The following DPF3 variants were observed in gnomAD, a reference collection of about 807,000 sequenced individuals.
DPF3 encodes the protein zinc finger protein DPF3.
In DPF3, 18 loss-of-function variants were observed where a neutral mutation model predicts 56.8. The observed-to-expected ratio is 0.32, with a 90% CI of 0.22 to 0.47. The LOEUF is 0.47. Ranked by LOEUF, DPF3 falls within the 20% of genes least tolerant of loss-of-function variation. The probability of loss-of-function intolerance (pLI) is 1.00; values close to 1 mark genes in which losing one functional copy is unlikely to be tolerated. For missense variants in DPF3, 403 were observed against 488.8 expected (o/e 0.82, Z 1.65); for synonymous variants, 188 against 180.2 (o/e 1.04, Z -0.35).
chr14:72,682,143 G>C (rs969785468), intron 7 of DPF3, among the ~76,000 whole-genome samples: 1 of 151,762 alleles, frequency 6.6e-6, no homozygotes, highest in Non-Finnish European at 1.5e-5. Context: ...GAACCTGGGA[G>C]GCAGAGGTTG....
At chr14:72,713,476 G>C (rs1244662689) in intron 6 of DPF3, among the ~76,000 whole-genome samples, 2 of 152,152 alleles carry the variant, frequency 1.3e-5, no homozygotes, top group Non-Finnish European at 2.9e-5. Flanking sequence ...GGCGAGATGG[G>C]TGGGACACCC....
chr14:72,734,390 T>A (rs1302406454), intron 3 of DPF3, among the ~76,000 whole-genome samples: 2 of 152,168 alleles, frequency 1.3e-5, no homozygotes, highest in African/African-American at 4.8e-5. Context: ...TACATCTCCA[T>A]AGCCTGCTCT....
intron 8 of DPF3, among the ~76,000 whole-genome samples, chr14:72,656,305 T>C (rs559176866): frequency 6.6e-5 from 10 of 152,336 alleles, no homozygotes; most frequent in Admixed American, 5.2e-4. Flanking sequence ...TTCCACATCA[T>C]TCCTAGTTTA....
rs185129387 is a variant in DPF3, at chr14:72,729,314, A to G, written c.429+2493T>C. ...AAAATGAAGAAGGTGAGGGTGAGAG[A>G]CAAGTGTACATCCGGGGAAATGGCC... is the stretch of plus-strand genomic sequence containing the variant. On this transcript the variant is annotated intron_variant, in intron 4 of 10. Transcript: ENST00000556509. Among the ~76,000 whole-genome samples, 275 of 152,294 alleles carry G rather than the reference A, an allele frequency of 1.8e-3. 1 individual carries two copies. The highest frequency in any genetic ancestry group is 0.017 in the Middle Eastern group (5 of 294).
At chr14:72,672,912 G>GT (rs887256135) in intron 8 of DPF3, among the ~76,000 whole-genome samples, 31 of 151,786 alleles carry the variant, frequency 2.0e-4, no homozygotes, top group East Asian at 3.9e-4. Context: ...AATTTCATCT[G>GT]TTTTTTTTAA....
intron 8 of DPF3, chr14:72,671,416 A>G: frequency 1.9e-6 from 3 of 1,567,328 alleles, no homozygotes. Context: ...ACATTATTAC[A>G]ATGCTATTCT....
At chr14:72,656,350 A>T (rs1206241018) in intron 8 of DPF3, among the ~76,000 whole-genome samples, 1 of 152,190 alleles carries the variant, frequency 6.6e-6, no homozygotes, top group African/African-American at 2.4e-5. Flanking sequence ...TTAAAAATAA[A>T]CAACACAATA....
At position 72,790,689 on chromosome 14, in the gene DPF3, A is replaced by C. The variant is rs938138258; in HGVS notation, c.33-18796T>G. On this transcript the variant is annotated intron_variant, in intron 1 of 10. Coordinates refer to ENST00000556509, the MANE Select transcript of DPF3 (RefSeq NM_001280542.3). Reference sequence around the variant, plus strand: ...GGTAAGACTTAACCCCCATTCTGTCAGTCCCCCTGAGTCCATGATATTAAG... The same window carrying C: ...GGTAAGACTTAACCCCCATTCTGTCCGTCCCCCTGAGTCCATGATATTAAG... 3.3e-5 allele frequency among the ~76,000 whole-genome samples: 5 copies of C among 152,254 alleles called. No individual in the cohort carries two copies. The East Asian group carries it at 9.7e-4, about 29-fold the overall frequency.
At position 72,629,606 on chromosome 14, in the gene DPF3, G is replaced by A. The variant is rs754436250; in HGVS notation, c.984+18C>T. 3.9e-6 allele frequency: 6 copies of A among 1,530,380 alleles called. No individual in the cohort carries two copies. In the South Asian group the frequency reaches 4.8e-5, roughly 12 times the overall value. The allele number at this position is 1,530,380 out of a possible 1,614,324, so 94.8% of individuals were successfully genotyped here. ...CTCTGTGGATTTCTCCCTCCCACAG[G>A]GAAAGCCCCAAACTCACATCATTCT... On this transcript the variant is annotated intron_variant, in intron 9 of 10. Transcript: ENST00000556509.
rs1250442010 is a variant in DPF3 at position 72,771,749 on chromosome 14, C to T, written c.177G>A (p.Lys59=). 3 of 1,613,082 alleles carry T rather than the reference C, an allele frequency of 1.9e-6. No homozygotes were observed. The highest frequency in any genetic ancestry group is 1.7e-6 in the Non-Finnish European group (2 of 1,179,444). ...AQNNCYIWME[K]RHRGPGLAPG... ...GCAGCTCACCTGGGCCTCGGTGCCT[C>T]TTCTCCATCCAGATGTAGCAGTTGT... is the stretch of plus-strand genomic sequence containing the variant. Residue 59 remains lysine (K), a synonymous_variant, in exon 2 of 11, where the codon AAG becomes AAA. Transcript: ENST00000556509.
At chr14:72,873,727 G>A (rs1885994842) in intron 1 of DPF3, among the ~76,000 whole-genome samples, 1 of 152,136 alleles carries the variant, frequency 6.6e-6, no homozygotes, top group South Asian at 2.1e-4. Flanking sequence ...TATACACCAT[G>A]GAATACTATG....
At chr14:72,664,022 C>T (rs1406054137) in intron 8 of DPF3, among the ~76,000 whole-genome samples, 1 of 152,136 alleles carries the variant, frequency 6.6e-6, no homozygotes, top group African/African-American at 2.4e-5. Context: ...CCACTGTCTC[C>T]CTTTCTGATC....
intron 1 of DPF3, among the ~76,000 whole-genome samples, chr14:72,803,581 G>C (rs1892972554): frequency 6.6e-6 from 1 of 152,182 alleles, no homozygotes; most frequent in Non-Finnish European, 1.5e-5. Flanking sequence ...AGGTCACATG[G>C]ACAAAACAGT....
intron 8 of DPF3, among the ~76,000 whole-genome samples, chr14:72,660,015 AG>A (rs1395106804): frequency 3.3e-5 from 5 of 152,156 alleles, no homozygotes; most frequent in African/African-American, 1.2e-4. Flanking sequence ...TCAGAGGGAC[AG>A]AAAGTAGAAT....
At chr14:72,702,365 G>A (rs1888207119) in intron 6 of DPF3, among the ~76,000 whole-genome samples, 1 of 152,132 alleles carries the variant, frequency 6.6e-6, no homozygotes, top group African/African-American at 2.4e-5. Flanking sequence ...CAAGACTCCA[G>A]TCCTGCCTGG....
intron 1 of DPF3, among the ~76,000 whole-genome samples, chr14:72,866,162 G>A (rs1438779756): frequency 2.0e-5 from 3 of 152,172 alleles, no homozygotes; most frequent in Non-Finnish European, 4.4e-5. Flanking sequence ...AATTTAGTTT[G>A]ATGGGCTATG....
intron 1 of DPF3, among the ~76,000 whole-genome samples, chr14:72,799,015 T>C (rs1168991793): frequency 6.6e-6 from 1 of 152,176 alleles, no homozygotes; most frequent in Non-Finnish European, 1.5e-5. Context: ...AGGTAGCCTG[T>C]GTCCTGAGGC....
At chr14:72,663,298 C>A (rs1886303888) in intron 8 of DPF3, among the ~76,000 whole-genome samples, 1 of 151,862 alleles carries the variant, frequency 6.6e-6, no homozygotes, top group South Asian at 2.1e-4. Flanking sequence ...ATGAGTAGTT[C>A]TATGGTATAG....
In DPF3 at chr14:72,619,935, C is replaced by T; in HGVS notation, c.1034G>A (p.Cys345Tyr). ...GGGCTCAGCCACCGGGGGATTTAAACAGTACATGTGATAGCCTCGGTCACA... is the reference window on the plus strand; with the variant it reads ...GGGCTCAGCCACCGGGGGATTTAAATAGTACATGTGATAGCCTCGGTCACA... Reference protein sequence around the residue: ...DDCDRGYHMYCLNPPVAEPPE... With the variant: ...DDCDRGYHMYYLNPPVAEPPE... The change falls in exon 10 of 11, where the codon TGT (cysteine) becomes TAT (tyrosine). Residue 345 changes from cysteine to tyrosine, a missense_variant. By Grantham distance (194) the Cys-to-Tyr change is radical (BLOSUM62 -2). Coordinates refer to ENST00000556509, the MANE Select transcript of DPF3 (RefSeq NM_001280542.3). 6.5e-7 allele frequency: 1 copy of T among 1,535,134 alleles called. No individual in the cohort carries two copies. The highest frequency in any genetic ancestry group is 8.7e-7 in the Non-Finnish European group (1 of 1,146,512).
Sources: gnomAD v4.1 joint callset for allele counts (sites outside exome capture counted in the v4.1 genomes callset) on GRCh38, gnomAD v4.1.1 for gene constraint, MANE v1.5 for transcripts, NCBI Gene and HGNC (gene_info 2026-07-23, HGNC 2026-07-21) for gene names.